Variants in ZNF341 observed in about 807,000 individuals in gnomAD.
ZNF341 encodes the protein zinc finger protein 341.
ZNF341 carries 52 observed loss-of-function variants against 87.7 expected under a neutral mutation model. That is an observed-to-expected ratio of 0.59 (90% CI 0.47 to 0.75). ZNF341 has a LOEUF of 0.75. Ranked by LOEUF, ZNF341 falls within the 30% of genes least tolerant of loss-of-function variation. The probability of loss-of-function intolerance (pLI) is 0.00; values close to 1 mark genes in which losing one functional copy is unlikely to be tolerated. For synonymous variants in ZNF341, 459 were observed against 472.7 expected (o/e 0.97, Z 0.38); for missense variants, 977 against 1,145.9 (o/e 0.85, Z 2.13).
chr20:33,777,630 G>C (rs1028515691), intron 10 of ZNF341, among the ~76,000 whole-genome samples: 3 of 140,800 alleles, frequency 2.1e-5, no homozygotes, highest in Non-Finnish European at 4.5e-5. Context: ...CGAGACTCTT[G>C]TCTCAAAAAA....
At chr20:33,752,813 G>A (rs2019090191) in intron 4 of ZNF341, among the ~76,000 whole-genome samples, 1 of 151,780 alleles carries the variant, frequency 6.6e-6, no homozygotes, top group Non-Finnish European at 1.5e-5. Flanking sequence ...CACCACGCCC[G>A]GCTAATTTTT....
chr20:33,781,496 C>A, intron 11 of ZNF341, 109 bp downstream of exon 11: 1 of 970,246 alleles, frequency 1.0e-6, no homozygotes, highest in Non-Finnish European at 1.6e-6. Context: ...ATAGGACACG[C>A]AGGCAGGGCT....
intron 3 of ZNF341, among the ~76,000 whole-genome samples, chr20:33,747,019 G>A (rs1568936592): frequency 6.6e-6 from 1 of 152,144 alleles, no homozygotes; most frequent in Non-Finnish European, 1.5e-5. Flanking sequence ...CCAGAGCAGA[G>A]GACAAGGCTG....
intron 12 of ZNF341, among the ~76,000 whole-genome samples, chr20:33,786,824 C>T (rs1001371434): frequency 4.0e-5 from 6 of 151,716 alleles, no homozygotes; most frequent in Non-Finnish European, 7.4e-5. Flanking sequence ...AAAAATTAGC[C>T]GGGTGTGGTG....
intron 10 of ZNF341, among the ~76,000 whole-genome samples, chr20:33,774,958 A>C (rs1160557112): frequency 2.0e-5 from 3 of 152,180 alleles, no homozygotes; most frequent in African/African-American, 7.2e-5. Flanking sequence ...GGGGAAAAAC[A>C]AAAACATCAG....
Position 33,753,308 on chromosome 20 carries a change from G to A in ZNF341, c.626G>A (p.Arg209His), listed in dbSNP as rs567905770. ...CCCCAGAGCCTGGGCCCCCCTGGGC[G>A]TCCCAACCCTGGTGGGAACGGTGTG... ...PPPQSLGPPGRPNPGGNGVVE... is the reference protein window; with the variant it reads ...PPPQSLGPPGHPNPGGNGVVE... The change falls in exon 5 of 15, where the codon CGT becomes CAT. Residue 209 changes from arginine (R) to histidine (H), a missense_variant. Physicochemically the swap from Arg to His is conservative, Grantham distance 29. This residue lies in a region of ZNF341 where 515 missense variants were observed against 598.2 expected (regional missense o/e 0.86). Transcript: ENST00000375200. The A allele has an allele frequency of 5.5e-5, 89 of 1,611,478 alleles. No individual in the cohort carries two copies. Among genetic ancestry groups the A allele is most frequent in the South Asian group, 1.1e-4 (10 of 90,882 alleles).
chr20:33,748,913 C>T lies in ZNF341; in HGVS notation c.340-10C>T. 4 of 1,608,020 alleles carry T rather than the reference C, an allele frequency of 2.5e-6. No homozygotes were observed. The highest frequency in any genetic ancestry group is 1.3e-5 in the African/African-American group (1 of 74,916). ...TCCGTCTCACTCATTCTCTCTCTCCCACTGTCCAGATCTCCACATACATCA... is the reference window on the plus strand; with the variant it reads ...TCCGTCTCACTCATTCTCTCTCTCCTACTGTCCAGATCTCCACATACATCA... On this transcript the variant is annotated splice_polypyrimidine_tract_variant and intron_variant, in intron 3 of 14. Coordinates refer to ENST00000375200, the MANE Select transcript of ZNF341 (RefSeq NM_001282933.2).
At chr20:33,733,206 C>G (rs559483928) in intron 1 of ZNF341, among the ~76,000 whole-genome samples, 152 of 151,240 alleles carry the variant, frequency 1.0e-3, no homozygotes, top group African/African-American at 3.5e-3. Context: ...ACCACCACAC[C>G]CGGCTAATTT....
intron 5 of ZNF341, among the ~76,000 whole-genome samples, chr20:33,754,289 C>T (rs538783237): frequency 2.7e-4 from 41 of 152,138 alleles, no homozygotes; most frequent in Non-Finnish European, 5.1e-4. Context: ...TGCCAATGAG[C>T]TCTAAGTTAT....
chr20:33,779,004 A>G (rs1216080741), intron 10 of ZNF341, among the ~76,000 whole-genome samples: 1 of 152,082 alleles, frequency 6.6e-6, no homozygotes, highest in Non-Finnish European at 1.5e-5. Flanking sequence ...TTGACTCTGT[A>G]TTAGGCCATT....
At chr20:33,748,676 C>T (rs570123662) in intron 3 of ZNF341, among the ~76,000 whole-genome samples, 1 of 152,180 alleles carries the variant, frequency 6.6e-6, no homozygotes, top group South Asian at 2.1e-4. Flanking sequence ...TCTTATCATC[C>T]TCATTCAGTA....
chr20:33,753,309 T>G lies in ZNF341; in HGVS notation c.627T>G (p.Arg209=). Residue 209 remains arginine, a synonymous_variant, in exon 5 of 15, where the codon CGT becomes CGG. Transcript: ENST00000375200. ...PPPQSLGPPG[R]PNPGGNGVVE... Reference sequence around the variant, plus strand: ...CCCAGAGCCTGGGCCCCCCTGGGCGTCCCAACCCTGGTGGGAACGGTGTGG... The same window carrying G: ...CCCAGAGCCTGGGCCCCCCTGGGCGGCCCAACCCTGGTGGGAACGGTGTGG... 1 of 1,611,904 alleles carries G rather than the reference T, an allele frequency of 6.2e-7. No homozygotes were observed.
chr20:33,790,444 C>T (rs114204779), intron 14 of ZNF341, among the ~76,000 whole-genome samples: 1,674 of 152,188 alleles, frequency 0.011, 30 homozygotes, highest in African/African-American at 0.039. Flanking sequence ...GTATCCCTGG[C>T]TTCTATCTAC....
intron 10 of ZNF341, among the ~76,000 whole-genome samples, chr20:33,777,151 CAAA>C (rs58139073): frequency 7.0e-5 from 3 of 42,958 alleles, no homozygotes; most frequent in Non-Finnish European, 4.5e-5. Context: ...CCGTCTTTAC[CAAA>C]AAAAAAAAAA....
Position 33,764,436 on chromosome 20 carries a change from A to T in ZNF341, c.1222+2381A>T, listed in dbSNP as rs186156198. Among the ~76,000 whole-genome samples the T allele has an allele frequency of 4.7e-4, 71 of 149,740 alleles. No individual in the cohort carries two copies. In the East Asian group the frequency reaches 0.012, roughly 26 times the overall value. The stretch of plus-strand genomic sequence containing the variant: ...TACATTAAAAGCAATTTTTAAAAAG[A>T]TCAAATTAATTTTAATTATATATCT... On this transcript the variant is annotated intron_variant, in intron 8 of 14. Transcript: ENST00000375200.
intron 1 of ZNF341, among the ~76,000 whole-genome samples, chr20:33,733,252 T>G (rs1222832285): frequency 1.3e-5 from 2 of 148,570 alleles, no homozygotes; most frequent in Non-Finnish European, 3.0e-5. Flanking sequence ...AGAGTCTTGC[T>G]CTGTTGCCCA....
chr20:33,763,160 T>C (rs939810801), intron 8 of ZNF341, among the ~76,000 whole-genome samples: 1 of 152,206 alleles, frequency 6.6e-6, no homozygotes, highest in Non-Finnish European at 1.5e-5. Flanking sequence ...TTACCTTTTC[T>C]ATGTTTAAGT....
At chr20:33,752,728 C>T (rs538249489) in intron 4 of ZNF341, among the ~76,000 whole-genome samples, 1 of 149,922 alleles carries the variant, frequency 6.7e-6, no homozygotes, top group Admixed American at 6.7e-5. Context: ...TCTCCACTCA[C>T]TGCCAGCTCC....
Position 33,757,302 on chromosome 20 carries a change from T to G in ZNF341, c.896T>G (p.Leu299Arg). ...GCCACCTTTGACTCTCCAGCAACGC[T>G]GAAGACCCGACGAGCTAAAGGTGCC... is the stretch of plus-strand genomic sequence containing the variant. ...TVATFDSPAT[L>R]KTRRAKGARG... The change falls in exon 6 of 15, where the codon CTG becomes CGG. Residue 299 changes from leucine to arginine, a missense_variant. Transcript: ENST00000375200. 2 of 1,594,482 alleles carry G rather than the reference T, an allele frequency of 1.3e-6. No homozygotes were observed. The highest frequency in any genetic ancestry group is 1.7e-6 in the Non-Finnish European group (2 of 1,171,614).
Sources: gnomAD v4.1 joint callset for allele counts (sites outside exome capture counted in the v4.1 genomes callset) on GRCh38, gnomAD v4.1.1 for gene constraint, gnomAD v4.1.1 regional missense constraint, MANE v1.5 for transcripts, NCBI Gene and HGNC (gene_info 2026-07-23, HGNC 2026-07-21) for gene names.